The following ARFGAP3 variants were observed in gnomAD, a reference collection of about 807,000 sequenced individuals.
ARFGAP3 encodes ARF GTPase activating protein 3, also known as ADP-ribosylation factor GTPase-activating protein 3.
A neutral mutation model predicts 75.0 loss-of-function variants in ARFGAP3; 72 were observed. The ratio of observed to expected loss-of-function variants is 0.96; its 90% CI spans 0.79 to 1.17. The LOEUF (loss-of-function observed/expected upper bound fraction) is 1.17, where lower values mean the gene tolerates loss of function less well. Among genes scored for constraint, ARFGAP3 ranks in the 50% most tolerant of loss-of-function variants. The pLI is 0.00. For missense variants in ARFGAP3, 620 were observed against 626.6 expected (o/e 0.99, Z 0.11); for synonymous variants, 221 against 217.9 (o/e 1.01, Z -0.13).
chr22:42,827,375 T>A (rs577884044), intron 6 of ARFGAP3, among the ~76,000 whole-genome samples: 2 of 152,342 alleles, frequency 1.3e-5, no homozygotes. Flanking sequence ...TTTGTTTTTT[T>A]TTCTTTTGGA....
rs1925845988 is a variant in ARFGAP3, at chr22:42,822,288, A to T, written c.794T>A (p.Val265Glu). 1 of 1,613,506 alleles carries T rather than the reference A, an allele frequency of 6.2e-7. No individual in the cohort carries two copies. Among genetic ancestry groups the T allele is most frequent in the East Asian group, 2.2e-5 (1 of 44,882 alleles). ...AACTTACATTGATTCTTCTTTAGAT[A>T]CCACCTTGGCCAGGTCTTCCTGCTC... The part of the protein sequence containing the change: ...MKEQEDLAKV[V>E]SKEESIVSSL... The change falls in exon 9 of 16, where the codon GTA becomes GAA. Residue 265 changes from valine to glutamate, a missense_variant. Val to Glu is a moderately radical substitution (Grantham distance 121). Coordinates refer to ENST00000263245, the MANE Select transcript of ARFGAP3 (RefSeq NM_014570.5).
In ARFGAP3 at chr22:42,797,455, CAG is replaced by C. The variant is rs1924651416; in HGVS notation, c.*131_*132del. On this transcript the variant is annotated 3_prime_UTR_variant, in exon 16 of 16. Transcript: ENST00000263245. ...ATTTCTCAAAAGAAATATTAAAAATCAGAAACATATACCATATGAAAAAGTAG... is the reference window on the plus strand; with the variant it reads ...ATTTCTCAAAAGAAATATTAAAAATCAAACATATACCATATGAAAAAGTAG... 3.6e-6 allele frequency: 4 copies of C among 1,112,858 alleles called. No individual in the cohort carries two copies. The African/African-American group carries it at 6.4e-5, about 18-fold the overall frequency. 68.9% of individuals were successfully genotyped at this position (1,112,858 alleles called of 1,614,324 possible). A position where few individuals can be genotyped will look rare whatever the true frequency, so the allele number is the denominator to read the frequency against.
intron 12 of ARFGAP3, among the ~76,000 whole-genome samples, chr22:42,810,195 C>T (rs975074268): frequency 4.0e-5 from 6 of 151,820 alleles, no homozygotes; most frequent in Non-Finnish European, 5.9e-5. Context: ...AGGCTGGGCA[C>T]GGTGGCTCAC....
chr22:42,854,946 A>G (rs1927432877), intron 1 of ARFGAP3, among the ~76,000 whole-genome samples: 1 of 129,510 alleles, frequency 7.7e-6, no homozygotes, highest in East Asian at 1.9e-4. Context: ...TATTAATCTT[A>G]TTACAGAATA....
At chr22:42,824,824 C>T (rs1229019328) in intron 7 of ARFGAP3, among the ~76,000 whole-genome samples, 3 of 152,302 alleles carry the variant, frequency 2.0e-5, no homozygotes, top group African/African-American at 7.2e-5. Context: ...GGAAGTGTTT[C>T]AGCTCTTGTT....
At chr22:42,849,621 T>C (rs1190986659) in intron 1 of ARFGAP3, among the ~76,000 whole-genome samples, 1 of 150,000 alleles carries the variant, frequency 6.7e-6, no homozygotes, top group African/African-American at 2.5e-5. Context: ...TGGAGTGCAG[T>C]GGCACGGTCC....
At chr22:42,827,459 C>T (rs1257888509) in intron 6 of ARFGAP3, among the ~76,000 whole-genome samples, 5 of 152,244 alleles carry the variant, frequency 3.3e-5, no homozygotes, top group East Asian at 1.9e-4. Flanking sequence ...CTTCGCCTCC[C>T]GGGTTCAAGC....
chr22:42,839,127 A>G (rs1396472168), intron 3 of ARFGAP3, among the ~76,000 whole-genome samples: 1 of 150,740 alleles, frequency 6.6e-6, no homozygotes, highest in Admixed American at 6.6e-5. Flanking sequence ...AAAAAAGAAA[A>G]AAAAAAAAAA....
In ARFGAP3 at chr22:42,799,038, C is replaced by T. The variant is rs1197784014; in HGVS notation, c.1533+1G>A. 1 of 1,614,088 alleles carries T rather than the reference C, an allele frequency of 6.2e-7. No individual in the cohort carries two copies. The highest frequency in any genetic ancestry group is 8.5e-7 in the Non-Finnish European group (1 of 1,179,946). On this transcript the variant is annotated splice_donor_variant, in intron 15 of 15. Coordinates refer to ENST00000263245, the MANE Select transcript of ARFGAP3 (RefSeq NM_014570.5). LOFTEE classifies it high-confidence loss of function. The stretch of plus-strand genomic sequence containing the variant: ...AGTGAGCACTGCCCCATTCCACTGA[C>T]CTGAATTGAAGTCACGACTCCATTA...
At position 42,797,017 on chromosome 22, in the gene ARFGAP3, A is replaced by G. The variant is rs1408874878; in HGVS notation, c.*571T>C. 6.6e-6 allele frequency: 1 copy of G among 152,332 alleles called. No individual in the cohort carries two copies. 9.4% of individuals were successfully genotyped at this position (152,332 alleles called of 1,614,324 possible). A position where few individuals can be genotyped will look rare whatever the true frequency, so the allele number is the denominator to read the frequency against. On this transcript the variant is annotated 3_prime_UTR_variant, in exon 16 of 16. Transcript: ENST00000263245. ...AAAGCACTCACTGAAAAACATTTTT[A>G]AATTTATAGGTCATATAAAATAATT...
intron 13 of ARFGAP3, among the ~76,000 whole-genome samples, chr22:42,808,381 G>A (rs1336848055): frequency 6.8e-6 from 1 of 146,628 alleles, no homozygotes; most frequent in African/African-American, 2.6e-5. Flanking sequence ...CTGGGTGACA[G>A]AAGGAGGCTC....
chr22:42,835,604 G>A (rs41310256), intron 3 of ARFGAP3, 111 bp from the exon 4 acceptor site: 36,802 of 1,205,302 alleles, frequency 0.031, 708 homozygotes, highest in African/African-American at 0.074. Flanking sequence ...GGCAGATCAC[G>A]AGGTCGGGAG....
intron 6 of ARFGAP3, 132 bp from the exon 7 acceptor site, chr22:42,827,131 G>T: frequency 1.5e-6 from 2 of 1,348,498 alleles, no homozygotes; most frequent in Non-Finnish European, 9.6e-7. Context: ...CTTTTTAGCT[G>T]TATATTCTAT....
At chr22:42,842,715 C>T (rs1926840541) in intron 2 of ARFGAP3, among the ~76,000 whole-genome samples, 1 of 152,122 alleles carries the variant, frequency 6.6e-6, no homozygotes, top group South Asian at 2.1e-4. Flanking sequence ...TCCCAAAGTG[C>T]ATACCATTAT....
chr22:42,821,724 G>C (rs1200803747), intron 9 of ARFGAP3, among the ~76,000 whole-genome samples: 1 of 152,184 alleles, frequency 6.6e-6, no homozygotes. Flanking sequence ...ACAGATGTAA[G>C]TTTTAATTTC....
At chr22:42,825,592 T>G (rs904749536) in intron 7 of ARFGAP3, among the ~76,000 whole-genome samples, 54 of 151,874 alleles carry the variant, frequency 3.6e-4, no homozygotes, top group African/African-American at 1.2e-3. Context: ...CGAGAATCGC[T>G]TGAACCCAGG....
chr22:42,855,168 G>A (rs151121889), intron 1 of ARFGAP3, among the ~76,000 whole-genome samples: 1 of 152,328 alleles, frequency 6.6e-6, no homozygotes, highest in Non-Finnish European at 1.5e-5. Flanking sequence ...GACATACCTA[G>A]AAAGTAGCAG....
chr22:42,835,065 C>T (rs760226672), intron 4 of ARFGAP3, among the ~76,000 whole-genome samples: 3 of 152,124 alleles, frequency 2.0e-5, no homozygotes, highest in Non-Finnish European at 4.4e-5. Flanking sequence ...AAAAAGGTGT[C>T]TTTAAATAGA....
In ARFGAP3 at chr22:42,799,177, G is replaced by C. The variant is rs771254828; in HGVS notation, c.1412-17C>G. 6.2e-7 allele frequency: 1 copy of C among 1,613,266 alleles called. No individual in the cohort carries two copies. The highest frequency in any genetic ancestry group is 8.5e-7 in the Non-Finnish European group (1 of 1,179,424). On this transcript the variant is annotated splice_polypyrimidine_tract_variant and intron_variant, in intron 14 of 15. Transcript: ENST00000263245. ...TGTAGTTCCCTGCACACACACAGCA[G>C]ACACTGTCTCATCACTGCCCTGGCC... is the stretch of plus-strand genomic sequence containing the variant.
Sources: gnomAD v4.1 joint callset for allele counts (sites outside exome capture counted in the v4.1 genomes callset) on GRCh38, gnomAD v4.1.1 for gene constraint, MANE v1.5 for transcripts, NCBI Gene and HGNC (gene_info 2026-07-23, HGNC 2026-07-21) for gene names.